Variants in ECT2 observed in about 807,000 individuals in gnomAD.
ECT2 encodes protein ECT2.
ECT2 carries 61 observed loss-of-function variants against 116.9 expected under a neutral mutation model. The ratio of observed to expected loss-of-function variants is 0.52; its 90% confidence interval spans 0.42 to 0.65. The LOEUF (loss-of-function observed/expected upper bound fraction) is 0.65. Ranked by LOEUF, ECT2 falls within the 30% of genes least tolerant of loss-of-function variation. The pLI is 0.00. For synonymous variants in ECT2, 358 were observed against 346.4 expected, an observed-to-expected ratio of 1.03 and a Z score of -0.37; for missense variants, 937 against 1,078.7, an observed-to-expected ratio of 0.87 and a Z score of 1.84.
chr3:172,756,375 TAA>T (rs1716990671), intron 4 of ECT2, among the ~76,000 whole-genome samples: 1 of 152,202 alleles, frequency 6.6e-6, no homozygotes, highest in South Asian at 2.1e-4. Flanking sequence ...CGTGGATGTA[TAA>T]AGTGTTTACT....
chr3:172,784,423 C>A (rs1723255643), intron 16 of ECT2, among the ~76,000 whole-genome samples: 1 of 151,858 alleles, frequency 6.6e-6, no homozygotes, highest in Admixed American at 6.6e-5. Context: ...ATTAAATGTG[C>A]TTTTTCTTGT....
In ECT2 at chr3:172,764,328, C is replaced by G; in HGVS notation, c.1119C>G (p.Thr373=). ...KKSVSMLSLN[T]PNSNRKRRRL... ...CAGTGTCAATGCTTTCTCTAAATACCCCTAACAGCAATCGCAAACGACGTC... is the reference window on the plus strand; with the variant it reads ...CAGTGTCAATGCTTTCTCTAAATACGCCTAACAGCAATCGCAAACGACGTC... Residue 373 remains threonine, a synonymous_variant, in exon 12 of 25, where the codon ACC becomes ACG. Coordinates refer to ENST00000392692, the MANE Select transcript of ECT2 (RefSeq NM_001258315.2). The G allele has an allele frequency of 6.2e-7, 1 of 1,614,008 alleles. No homozygotes were observed. The highest frequency in any genetic ancestry group is 1.1e-5 in the South Asian group (1 of 91,076).
At chr3:172,813,393 A>G (rs968356667) in intron 22 of ECT2, among the ~76,000 whole-genome samples, 1 of 152,078 alleles carries the variant, frequency 6.6e-6, no homozygotes, top group African/African-American at 2.4e-5. Context: ...CTAGTGAGGC[A>G]GGATAGATTC....
rs745961920 is a variant in ECT2, at chr3:172,762,455, T to G, written c.798T>G (p.Phe266Leu). The G allele has an allele frequency of 3.4e-5, 55 of 1,598,594 alleles. No homozygotes were observed. Among genetic ancestry groups the G allele is most frequent in the Non-Finnish European group, 3.9e-5 (46 of 1,176,610 alleles). Residue 266 changes from phenylalanine to leucine, a missense_variant, in exon 9 of 25, where the codon TTT becomes TTG. Phe to Leu is a conservative substitution (Grantham distance 22). Coordinates refer to ENST00000392692, the MANE Select transcript of ECT2 (RefSeq NM_001258315.2). ...YAAVDDFRNEFKVPPFQDCIL... is the reference protein window; with the variant it reads ...YAAVDDFRNELKVPPFQDCIL... ...CAGTTGATGACTTTAGAAATGAATT[T>G]AAAGTTCCTCCATTTCAAGATTGTA... is the stretch of plus-strand genomic sequence containing the variant.
Position 172,774,118 on chromosome 3 carries a change from G to T in ECT2, c.1548+96G>T, listed in dbSNP as rs115547805. 2,864 of 1,217,816 alleles carry T rather than the reference G, an allele frequency of 2.4e-3. 51 individuals carry two copies. The African/African-American group carries it at 0.036, about 15-fold the overall frequency. 75.4% of individuals were successfully genotyped at this position (1,217,816 alleles called of 1,614,324 possible). ...ACTTCTGGTTAGCTAAATAAGTTTTGTACCTAAAACTTCTTATTCCCTTAT... is the reference window on the plus strand; with the variant it reads ...ACTTCTGGTTAGCTAAATAAGTTTTTTACCTAAAACTTCTTATTCCCTTAT... On this transcript the variant is annotated intron_variant, in intron 14 of 24. Transcript: ENST00000392692.
At chr3:172,755,262 T>A (rs371129686) in intron 2 of ECT2, 33 bp from the exon 3 acceptor site, 3 of 1,524,702 alleles carry the variant, frequency 2.0e-6, no homozygotes, top group Non-Finnish European at 2.7e-6. Context: ...TGTTAATACA[T>A]GATAAACATT....
intron 22 of ECT2, among the ~76,000 whole-genome samples, chr3:172,814,971 C>G (rs1481747865): frequency 6.6e-6 from 1 of 152,208 alleles, no homozygotes; most frequent in Non-Finnish European, 1.5e-5. Context: ...ATCCTGTCCT[C>G]CCCAGCATGT....
chr3:172,794,407 A>G (rs973659909), intron 18 of ECT2, among the ~76,000 whole-genome samples: 3 of 152,318 alleles, frequency 2.0e-5, no homozygotes, highest in African/African-American at 7.2e-5. Flanking sequence ...TCAGTTGACC[A>G]TAAATGTAAT....
At chr3:172,784,015 A>C (rs1203037345) in intron 16 of ECT2, 106 bp downstream of exon 16, 2 of 748,008 alleles carry the variant, frequency 2.7e-6, no homozygotes, top group Admixed American at 6.1e-5. Flanking sequence ...AAATGTATCC[A>C]TTAATATCTG....
intron 24 of ECT2, chr3:172,818,437 T>G (rs1730137067): frequency 1.7e-6 from 1 of 594,352 alleles, no homozygotes; most frequent in Admixed American, 6.1e-5. Context: ...TTTAGAAAAT[T>G]AATTTATTTA....
chr3:172,761,494 T>A (rs560797417), intron 7 of ECT2, 116 bp from the exon 8 acceptor site: 1 of 638,410 alleles, frequency 1.6e-6, no homozygotes, highest in East Asian at 3.0e-5. Flanking sequence ...TAAATTATTT[T>A]GTTACAAAGC....
intron 14 of ECT2, among the ~76,000 whole-genome samples, chr3:172,781,363 G>T (rs1722666233): frequency 6.6e-6 from 1 of 152,156 alleles, no homozygotes. Context: ...GAGAGAATGA[G>T]TGAAAAAGTC....
chr3:172,828,359 T>TGTGTGG, the ECT2 span, among the ~76,000 whole-genome samples: 1 of 152,066 alleles, frequency 6.6e-6, no homozygotes, highest in Non-Finnish European at 1.5e-5. Context: ...TGTGGCTGTG[T>TGTGTGG]CTGTGTGTGT....
At chr3:172,784,116 A>T (rs1384114456) in intron 16 of ECT2, among the ~76,000 whole-genome samples, 1 of 152,116 alleles carries the variant, frequency 6.6e-6, no homozygotes, top group African/African-American at 2.4e-5. Flanking sequence ...CAGCTGAGTG[A>T]ATAAGAATGT....
chr3:172,752,671 A>C (rs531872701), intron 1 of ECT2, among the ~76,000 whole-genome samples: 2 of 152,332 alleles, frequency 1.3e-5, no homozygotes, highest in South Asian at 4.1e-4. Context: ...GCCTTAGAAT[A>C]ATGATTGACA....
chr3:172,804,298 C>T (rs1054176384), intron 20 of ECT2, among the ~76,000 whole-genome samples: 3 of 152,048 alleles, frequency 2.0e-5, no homozygotes, highest in Non-Finnish European at 2.9e-5. Flanking sequence ...GTGTTAAATG[C>T]AGAGTTTTGT....
chr3:172,829,102 G>A, the ECT2 span: 1 of 683,394 alleles, frequency 1.5e-6, no homozygotes, highest in Non-Finnish European at 2.7e-6. Context: ...GGCAGACACA[G>A]GCCTGGTTAG....
At chr3:172,823,420 C>A (rs1054884680), downstream of ECT2, among the ~76,000 whole-genome samples, 9 of 152,140 alleles carry the variant, frequency 5.9e-5, no homozygotes, top group Non-Finnish European at 5.9e-5. Context: ...CACTAACCTA[C>A]CATTTTTAAT....
At chr3:172,808,075 G>GA (rs1230573959) in intron 22 of ECT2, 151 bp downstream of exon 22, 1 of 804,964 alleles carries the variant, frequency 1.2e-6, no homozygotes, top group Non-Finnish European at 1.9e-6. Context: ...AGTTGTTTTA[G>GA]AAAATATTTT....
Sources: gnomAD v4.1 joint callset for allele counts (sites outside exome capture counted in the v4.1 genomes callset) on GRCh38, gnomAD v4.1.1 for gene constraint, MANE v1.5 for transcripts, NCBI Gene and HGNC (gene_info 2026-07-23, HGNC 2026-07-21) for gene names.